The following SUGCT variants were observed in gnomAD, a reference collection of about 807,000 sequenced individuals.
SUGCT encodes the protein succinyl-CoA:glutarate CoA-transferase.
A neutral mutation model predicts 55.0 loss-of-function variants in SUGCT; 41 were observed. The observed-to-expected ratio is 0.74, with a 90% confidence interval of 0.58 to 0.97. The LOEUF (loss-of-function observed/expected upper bound fraction) is 0.97. Ranked by LOEUF, SUGCT falls within the 50% of genes least tolerant of loss-of-function variation. The pLI is 0.00. For missense variants in SUGCT, 568 were observed against 547.8 expected, an observed-to-expected ratio of 1.04 and a Z score of -0.37; for synonymous variants, 187 against 200.4, an observed-to-expected ratio of 0.93 and a Z score of 0.56.
intron 9 of SUGCT, among the ~76,000 whole-genome samples, chr7:40,334,206 G>A (rs1483266630): frequency 1.3e-5 from 2 of 152,020 alleles, no homozygotes; most frequent in Non-Finnish European, 2.9e-5. Flanking sequence ...GTGCCGCCAT[G>A]AACATCGTGT....
At chr7:40,548,303 C>G (rs1184083138) in intron 12 of SUGCT, among the ~76,000 whole-genome samples, 4 of 151,116 alleles carry the variant, frequency 2.6e-5, no homozygotes, top group Non-Finnish European at 5.9e-5. Context: ...CTCCTCCCCG[C>G]TAAACTGTCT....
downstream of SUGCT, among the ~76,000 whole-genome samples, chr7:40,864,251 G>C (rs1018506008): frequency 1.3e-5 from 2 of 152,102 alleles, no homozygotes; most frequent in African/African-American, 2.4e-5. Flanking sequence ...TTGCCTCCCA[G>C]GTTCAAGTGA....
intron 1 of SUGCT, among the ~76,000 whole-genome samples, chr7:40,160,682 G>T (rs1333152189): frequency 6.6e-6 from 1 of 152,084 alleles, no homozygotes; most frequent in African/African-American, 2.4e-5. Context: ...AGATAAATGT[G>T]CATGTAGAAA....
intron 12 of SUGCT, among the ~76,000 whole-genome samples, chr7:40,594,477 A>C (rs1303595466): frequency 6.6e-6 from 1 of 152,138 alleles, no homozygotes; most frequent in Non-Finnish European, 1.5e-5. Flanking sequence ...CCAAGTTGCT[A>C]GGAATTTGCC....
the SUGCT span, among the ~76,000 whole-genome samples, chr7:40,954,220 C>T: frequency 3.9e-5 from 6 of 152,310 alleles, no homozygotes; most frequent in East Asian, 1.9e-4. Flanking sequence ...TAGCAATGAG[C>T]GAGGCTCTGT....
At chr7:40,688,938 A>C (rs1784575980) in intron 12 of SUGCT, among the ~76,000 whole-genome samples, 2 of 152,188 alleles carry the variant, frequency 1.3e-5, no homozygotes, top group Non-Finnish European at 2.9e-5. Context: ...CCATCACACT[A>C]CTGAATTCTG....
At chr7:40,404,104 A>T (rs142586843) in intron 9 of SUGCT, among the ~76,000 whole-genome samples, 57 of 152,352 alleles carry the variant, frequency 3.7e-4, no homozygotes, top group Non-Finnish European at 6.9e-4. Flanking sequence ...CAGGTCACTT[A>T]GGAATGGAAG....
intron 7 of SUGCT, among the ~76,000 whole-genome samples, chr7:40,239,316 C>T (rs557242289): frequency 2.0e-5 from 3 of 152,096 alleles, no homozygotes; most frequent in South Asian, 4.2e-4. Flanking sequence ...CCTGGACTCA[C>T]GACATCTTGG....
chr7:40,343,436 A>G (rs1029459860), intron 9 of SUGCT, among the ~76,000 whole-genome samples: 1 of 152,152 alleles, frequency 6.6e-6, no homozygotes, highest in African/African-American at 2.4e-5. Context: ...CAGAAATCCC[A>G]TTGAAACTAT....
At chr7:40,277,018 C>G (rs1792544408) in intron 8 of SUGCT, among the ~76,000 whole-genome samples, 2 of 151,956 alleles carry the variant, frequency 1.3e-5, no homozygotes, top group African/African-American at 4.8e-5. Flanking sequence ...GTCTCGTAAC[C>G]CTTAGGTTTG....
intron 9 of SUGCT, among the ~76,000 whole-genome samples, chr7:40,405,150 A>C (rs1583609410): frequency 6.6e-6 from 1 of 152,182 alleles, no homozygotes; most frequent in Non-Finnish European, 1.5e-5. Context: ...GTGTTTAAAT[A>C]GCCAGGCCTT....
chr7:40,755,097 A>AGGCCAGAG, intron 13 of SUGCT, among the ~76,000 whole-genome samples: 1 of 152,334 alleles, frequency 6.6e-6, no homozygotes, highest in East Asian at 1.9e-4. Flanking sequence ...AGGGATCCAG[A>AGGCCAGAG]GGCCAGAGGA....
chr7:40,788,333 G>T (rs991329043), intron 13 of SUGCT, among the ~76,000 whole-genome samples: 2 of 152,306 alleles, frequency 1.3e-5, no homozygotes. Flanking sequence ...GAATACAATT[G>T]TAAATCAGTC....
At chr7:41,007,862 TA>T in the SUGCT span, among the ~76,000 whole-genome samples, 2 of 151,432 alleles carry the variant, frequency 1.3e-5, no homozygotes, top group African/African-American at 4.9e-5. Flanking sequence ...TGGTCTTATG[TA>T]TTTTTTTTAA....
intron 12 of SUGCT, 53 bp from the exon 13 acceptor site, chr7:40,749,381 T>G (rs1787894262): frequency 6.9e-7 from 1 of 1,457,546 alleles, no homozygotes; most frequent in African/African-American, 1.4e-5. Context: ...GCCTTGCAAT[T>G]GAAGATGGTT....
intron 10 of SUGCT, among the ~76,000 whole-genome samples, chr7:40,457,135 A>G (rs958624839): frequency 1.3e-5 from 2 of 150,584 alleles, no homozygotes; most frequent in African/African-American, 4.9e-5. Context: ...TTTTGTACCA[A>G]TATATGCTTT....
chr7:40,962,611 A>G, the SUGCT span, among the ~76,000 whole-genome samples: 1 of 133,716 alleles, frequency 7.5e-6, no homozygotes, highest in Non-Finnish European at 1.6e-5. Flanking sequence ...ACACACACAC[A>G]TCAGAAAAAT....
chr7:40,898,349 G>A, the SUGCT span, among the ~76,000 whole-genome samples: 1 of 152,128 alleles, frequency 6.6e-6, no homozygotes, highest in African/African-American at 2.4e-5. Context: ...AAGGTCTGCG[G>A]CTTCGCTCCT....
chr7:40,430,071 G>A (rs1037533533), intron 9 of SUGCT, among the ~76,000 whole-genome samples: 3 of 152,038 alleles, frequency 2.0e-5, no homozygotes, highest in African/African-American at 4.8e-5. Context: ...TTTATTTATC[G>A]ATGAACATTA....
Sources: gnomAD v4.1 joint callset for allele counts (sites outside exome capture counted in the v4.1 genomes callset) on GRCh38, gnomAD v4.1.1 for gene constraint, MANE v1.5 for transcripts, NCBI Gene and HGNC (gene_info 2026-07-23, HGNC 2026-07-21) for gene names.